The following RYR3 variants were observed in gnomAD, a reference collection of about 807,000 sequenced individuals.
RYR3 encodes brain ryanodine receptor-calcium release channel.
Under a neutral mutation model 584.3 loss-of-function variants are expected in RYR3, and 207 were observed. The ratio of observed to expected loss-of-function variants is 0.35; its 90% CI spans 0.32 to 0.40. The LOEUF (loss-of-function observed/expected upper bound fraction) is 0.40. RYR3 is among the 10% of genes least tolerant of loss of function. The probability of loss-of-function intolerance (pLI) is 1.00; values close to 1 mark genes in which losing one functional copy is unlikely to be tolerated. For missense variants in RYR3, 5,616 were observed against 6,089.2 expected (o/e 0.92, Z 2.59); for synonymous variants, 2,416 against 2,248.5 (o/e 1.07, Z -2.11).
At chr15:33,543,458 T>C (rs1416093285) in intron 7 of RYR3, among the ~76,000 whole-genome samples, 164 bp from the exon 8 acceptor site, 1 of 152,182 alleles carries the variant, frequency 6.6e-6, no homozygotes, top group East Asian at 1.9e-4. Context: ...TTTCCTGTCT[T>C]TTCTGCCTGA....
chr15:33,387,983 A>G (rs999334776), intron 1 of RYR3, among the ~76,000 whole-genome samples: 1 of 152,190 alleles, frequency 6.6e-6, no homozygotes, highest in Admixed American at 6.5e-5. Context: ...TCACAACACT[A>G]AAAAACAAGA....
At chr15:33,315,032 C>T (rs916382314) in intron 1 of RYR3, among the ~76,000 whole-genome samples, 5 of 152,270 alleles carry the variant, frequency 3.3e-5, no homozygotes, top group South Asian at 2.1e-4. Flanking sequence ...TCATAGACAG[C>T]CTAATTTAGA....
intron 1 of RYR3, among the ~76,000 whole-genome samples, chr15:33,452,841 A>G (rs1398130746): frequency 6.6e-6 from 1 of 152,230 alleles, no homozygotes; most frequent in Non-Finnish European, 1.5e-5. Flanking sequence ...AAGTAGTGAA[A>G]TTAATCAGTG....
At position 33,540,732 on chromosome 15, in the gene RYR3, G is replaced by GT. The variant is rs1595508811; in HGVS notation, c.547-56dup. ...TAATCCTTGAAGTTCTAGGTGAGCT[G>GT]TTTCTGTCGGCACTGGACTGGTGAT... On this transcript the variant is annotated intron_variant, in intron 6 of 103. Coordinates refer to ENST00000634891, the MANE Select transcript of RYR3 (RefSeq NM_001036.6). 12 of 1,053,144 alleles carry GT rather than the reference G, an allele frequency of 1.1e-5. No homozygotes were observed. The East Asian group carries it at 2.8e-4, about 25-fold the overall frequency. The allele number at this position is 1,053,144 out of a possible 1,614,324, so 65.2% of individuals were successfully genotyped here. A position where few individuals can be genotyped will look rare whatever the true frequency, so the allele number is the denominator to read the frequency against.
At chr15:33,593,494 A>G (rs995588037) in intron 16 of RYR3, among the ~76,000 whole-genome samples, 2 of 152,192 alleles carry the variant, frequency 1.3e-5, no homozygotes, top group African/African-American at 4.8e-5. Context: ...CATATAGGCC[A>G]CATTACTCTG....
chr15:33,811,674 G>A (rs564023621), intron 72 of RYR3, among the ~76,000 whole-genome samples: 45 of 152,082 alleles, frequency 3.0e-4, no homozygotes, highest in Non-Finnish European at 2.4e-4. Flanking sequence ...TTATGTGAAC[G>A]TCAGGCCATA....
chr15:33,465,293 C>G (rs2048392802), intron 1 of RYR3, among the ~76,000 whole-genome samples: 4 of 152,156 alleles, frequency 2.6e-5, no homozygotes, highest in Middle Eastern at 3.4e-3. Context: ...CGATAGATAT[C>G]TATATCTATA....
At chr15:33,336,221 C>G (rs562680043) in intron 1 of RYR3, among the ~76,000 whole-genome samples, 1 of 151,120 alleles carries the variant, frequency 6.6e-6, no homozygotes, top group African/African-American at 2.4e-5. Context: ...CACTTGAGGT[C>G]AGGAGTTTGA....
rs1295084054 is a variant in RYR3, at chr15:33,865,898, AC to A, written c.*673del. 1.3e-5 allele frequency: 2 copies of A among 152,356 alleles called. No individual in the cohort carries two copies. The highest frequency in any genetic ancestry group is 4.8e-5 in the African/African-American group (2 of 41,422). The allele number at this position is 152,356 out of a possible 1,614,324, so 9.4% of individuals were successfully genotyped here. A position where few individuals can be genotyped will look rare whatever the true frequency, so the allele number is the denominator to read the frequency against. On this transcript the variant is annotated 3_prime_UTR_variant, in exon 104 of 104. Coordinates refer to ENST00000634891, the MANE Select transcript of RYR3 (RefSeq NM_001036.6). ...GAAACTGCACTTGAAGGTTATTCAT[AC>A]AAGTTTTTTTAGTAACAGCTGTCAG... is the stretch of plus-strand genomic sequence containing the variant.
At position 33,644,406 on chromosome 15, in the gene RYR3, C is replaced by T. The variant is rs1329327757; in HGVS notation, c.3652C>T (p.Leu1218Phe). 1.2e-6 allele frequency: 2 copies of T among 1,613,744 alleles called. No homozygotes were observed. The highest frequency in any genetic ancestry group is 2.2e-5 in the East Asian group (1 of 44,882). Residue 1218 changes from leucine (L) to phenylalanine (F), a missense_variant, in exon 28 of 104, where the codon CTC (leucine) becomes TTC (phenylalanine). Leu to Phe is a conservative substitution (Grantham distance 22, BLOSUM62 0). This residue lies in a region of RYR3 where 152 missense variants were observed against 200.9 expected (regional missense o/e 0.76). Coordinates refer to ENST00000634891, the MANE Select transcript of RYR3 (RefSeq NM_001036.6). ...STFKFYTMCG[L>F]QEGFEPFAVN... Reference sequence around the variant, plus strand: ...CTTCAAGTTTTATACCATGTGCGGTCTCCAAGAGGGCTTTGAGCCTTTTGC... The same window carrying T: ...CTTCAAGTTTTATACCATGTGCGGTTTCCAAGAGGGCTTTGAGCCTTTTGC...
chr15:33,758,174 A>C (rs1596462066), intron 60 of RYR3, among the ~76,000 whole-genome samples: 1 of 151,976 alleles, frequency 6.6e-6, no homozygotes, highest in African/African-American at 2.4e-5. Context: ...TCAGGTGCCT[A>C]CCCCACCAGG....
intron 1 of RYR3, among the ~76,000 whole-genome samples, chr15:33,414,237 A>G (rs1048561591): frequency 6.6e-6 from 1 of 152,228 alleles, no homozygotes; most frequent in Non-Finnish European, 1.5e-5. Context: ...ATGTGATTAA[A>G]AAGAGGCAAA....
rs971167144 is a variant in RYR3 at position 33,612,973 on chromosome 15, G to T, written c.2165-210G>T. On this transcript the variant is annotated intron_variant, in intron 18 of 103. Coordinates refer to ENST00000634891, the MANE Select transcript of RYR3 (RefSeq NM_001036.6). Reference sequence around the variant, plus strand: ...TCATCGCAAATCAGGCATGGTGTCTGCCCACTCGCCAGCTTAGGAATTCAT... The same window carrying T: ...TCATCGCAAATCAGGCATGGTGTCTTCCCACTCGCCAGCTTAGGAATTCAT... Among the ~76,000 whole-genome samples, 5 of 152,174 alleles carry T rather than the reference G, an allele frequency of 3.3e-5. No homozygotes were observed. In the East Asian group the frequency reaches 9.6e-4, roughly 29 times the overall value.
At chr15:33,325,527 A>G (rs1252327322) in intron 1 of RYR3, among the ~76,000 whole-genome samples, 1 of 152,142 alleles carries the variant, frequency 6.6e-6, no homozygotes, top group East Asian at 1.9e-4. Context: ...CTTCCTTTAG[A>G]ATCTACAGCT....
intron 9 of RYR3, 82 bp from the exon 10 acceptor site, chr15:33,550,078 A>G: frequency 7.2e-7 from 1 of 1,388,310 alleles, no homozygotes; most frequent in East Asian, 2.4e-5. Flanking sequence ...GTCTGCTAGC[A>G]TGTGTAAGAA....
chr15:33,404,413 C>T (rs1413139032), intron 1 of RYR3, among the ~76,000 whole-genome samples: 1 of 152,142 alleles, frequency 6.6e-6, no homozygotes, highest in Non-Finnish European at 1.5e-5. Flanking sequence ...TGGCTGTGAC[C>T]GTGAGACCAA....
chr15:33,774,197 T>A (rs901807648), intron 64 of RYR3, among the ~76,000 whole-genome samples: 2 of 152,208 alleles, frequency 1.3e-5, no homozygotes, highest in Admixed American at 1.3e-4. Context: ...GCAGAGACCC[T>A]CGGTGACCCC....
At chr15:33,469,230 GC>G (rs1224431029) in intron 1 of RYR3, among the ~76,000 whole-genome samples, 1 of 152,134 alleles carries the variant, frequency 6.6e-6, no homozygotes, top group African/African-American at 2.4e-5. Flanking sequence ...GAAAACTAGG[GC>G]AAGTTAGGGC....
Position 33,566,703 on chromosome 15 carries a change from T to G in RYR3, c.1172T>G (p.Met391Arg). ...GTCATACTCCATCAGGAAGGCCACATGGATGATGGATTAACACTGCAGAGA... is the reference window on the plus strand; with the variant it reads ...GTCATACTCCATCAGGAAGGCCACAGGGATGATGGATTAACACTGCAGAGA... ...RKVILHQEGH[M>R]DDGLTLQRCQ... The change falls in exon 12 of 104, where the codon ATG becomes AGG. Residue 391 changes from methionine (M) to arginine (R), a missense_variant. Physicochemically the swap from Met to Arg is moderately conservative, Grantham distance 91. Around this residue, in one of 9 missense-constraint regions of RYR3, gnomAD observed 1,284 missense variants for 1,344.6 expected, o/e 0.95. Coordinates refer to ENST00000634891, the MANE Select transcript of RYR3 (RefSeq NM_001036.6). The G allele has an allele frequency of 6.2e-7, 1 of 1,613,774 alleles. No individual in the cohort carries two copies. The highest frequency in any genetic ancestry group is 8.5e-7 in the Non-Finnish European group (1 of 1,179,696).
Sources: allele counts gnomAD v4.1 joint callset (sites outside exome capture counted in the v4.1 genomes callset), GRCh38; gene constraint gnomAD v4.1.1; regional missense constraint gnomAD v4.1.1; transcripts MANE v1.5; gene names NCBI Gene and HGNC (gene_info 2026-07-23, HGNC 2026-07-21).